TNRC6B: variants seen among roughly 807,000 people sequenced by gnomAD.
TNRC6B encodes trinucleotide repeat-containing gene 6B protein.
Under a neutral mutation model 203.6 loss-of-function variants are expected in TNRC6B, and 52 were observed. That is an observed-to-expected ratio of 0.26 (90% CI 0.20 to 0.32). The LOEUF (loss-of-function observed/expected upper bound fraction) is 0.32, where lower values mean the gene tolerates loss of function less well. TNRC6B is among the 10% of genes least tolerant of loss of function. The pLI is 1.00. For synonymous variants in TNRC6B, 838 were observed against 845.7 expected, an observed-to-expected ratio of 0.99 and a Z score of 0.16; for missense variants, 1,923 against 2,286.2, an observed-to-expected ratio of 0.84 and a Z score of 3.24.
chr22:40,294,900 T>C (rs945685198), intron 12 of TNRC6B, among the ~76,000 whole-genome samples: 7 of 152,220 alleles, frequency 4.6e-5, no homozygotes, highest in African/African-American at 1.7e-4. Flanking sequence ...AGAGGCAGCA[T>C]GCCCTGTAGT....
At chr22:40,113,730 C>T (rs957346920) in intron 1 of TNRC6B, among the ~76,000 whole-genome samples, 1 of 152,068 alleles carries the variant, frequency 6.6e-6, no homozygotes, top group African/African-American at 2.4e-5. Flanking sequence ...GGGCTGGGTG[C>T]CCTGCTCACA....
At chr22:40,196,020 G>A (rs547356586) in intron 1 of TNRC6B, among the ~76,000 whole-genome samples, 3 of 150,640 alleles carry the variant, frequency 2.0e-5, no homozygotes, top group Admixed American at 6.6e-5. Flanking sequence ...CTCGTGATCC[G>A]TCTGCCTCAG....
At chr22:40,183,200 G>A (rs2069158004) in intron 1 of TNRC6B, among the ~76,000 whole-genome samples, 1 of 152,148 alleles carries the variant, frequency 6.6e-6, no homozygotes, top group African/African-American at 2.4e-5. Flanking sequence ...ACGCATAAAG[G>A]AAATGCTATA....
chr22:40,077,470 A>G (rs1381397999), intron 1 of TNRC6B, among the ~76,000 whole-genome samples: 2 of 152,160 alleles, frequency 1.3e-5, no homozygotes, highest in East Asian at 1.9e-4. Context: ...ATCTCATTCA[A>G]TTCCCACTGC....
rs1054533754 is a variant in TNRC6B, at chr22:40,329,026, A to C, written c.*5785A>C. ...TACTTCTTAGTGTTACTGCAAAAAAAAAAAACAAAAACAAAACAAAAAAAA... is the reference window on the plus strand; with the variant it reads ...TACTTCTTAGTGTTACTGCAAAAAACAAAAACAAAAACAAAACAAAAAAAA... On this transcript the variant is annotated 3_prime_UTR_variant, in exon 23 of 23. Coordinates refer to ENST00000454349, the MANE Select transcript of TNRC6B (RefSeq NM_001162501.2). The C allele has an allele frequency of 6.6e-6, 1 of 151,638 alleles. No homozygotes were observed. The highest frequency in any genetic ancestry group is 2.5e-5 in the African/African-American group (1 of 40,608). 9.4% of individuals were successfully genotyped at this position (151,638 alleles called of 1,614,324 possible). A position where few individuals can be genotyped will look rare whatever the true frequency, so the allele number is the denominator to read the frequency against.
chr22:40,150,054 TAAGTCTTGACATGGTA>T (rs1321882724), intron 3 of TNRC6B, among the ~76,000 whole-genome samples: 1 of 152,078 alleles, frequency 6.6e-6, no homozygotes, highest in Non-Finnish European at 1.5e-5. Context: ...GTTTTAAGAA[TAAGTCTTGACATGGTA>T]AACTAAGGCA....
At chr22:40,257,704 G>A (rs750104781) in intron 3 of TNRC6B, among the ~76,000 whole-genome samples, 44 of 149,668 alleles carry the variant, frequency 2.9e-4, no homozygotes, top group Non-Finnish European at 3.8e-4. Flanking sequence ...CAACAAGAGC[G>A]AAACTCCGCC....
intron 2 of TNRC6B, among the ~76,000 whole-genome samples, chr22:40,124,905 T>TGGGAGACTGAGGCAGGAGCATCGC (rs1356033828): frequency 6.6e-6 from 1 of 151,556 alleles, no homozygotes; most frequent in Admixed American, 6.6e-5. Flanking sequence ...CCCAGCTACT[T>TGGGAGACTGAGGCAGGAGCATCGC]GGGAGACTGA....
chr22:40,128,033 C>T (rs953722366), intron 3 of TNRC6B, among the ~76,000 whole-genome samples: 5 of 152,146 alleles, frequency 3.3e-5, no homozygotes, highest in Non-Finnish European at 7.4e-5. Context: ...AAATGACTAG[C>T]TTTCTTGATT....
chr22:40,233,831 TA>T (rs1490793492), intron 1 of TNRC6B, among the ~76,000 whole-genome samples: 4 of 152,206 alleles, frequency 2.6e-5, no homozygotes, highest in African/African-American at 9.6e-5. Flanking sequence ...GCATTCACCC[TA>T]CAGTGGATGC....
intron 1 of TNRC6B, among the ~76,000 whole-genome samples, chr22:40,201,644 A>C (rs1166589722): frequency 6.6e-6 from 1 of 151,852 alleles, no homozygotes; most frequent in Non-Finnish European, 1.5e-5. Flanking sequence ...TGTGTTGCCC[A>C]GGCTGGTGGG....
intron 2 of TNRC6B, chr22:40,125,686 T>C (rs969874436): frequency 1.2e-5 from 10 of 807,532 alleles, no homozygotes; most frequent in South Asian, 9.5e-5. Flanking sequence ...TGTGGCCTTA[T>C]TGAGAGAATT....
chr22:40,212,330 G>A (rs1446060832), intron 1 of TNRC6B, among the ~76,000 whole-genome samples: 4 of 152,198 alleles, frequency 2.6e-5, no homozygotes, highest in African/African-American at 9.6e-5. Context: ...TTTAGCTGAC[G>A]CCTGTTCAGG....
chr22:40,230,925 G>A (rs1205786103), intron 1 of TNRC6B, among the ~76,000 whole-genome samples: 3 of 151,878 alleles, frequency 2.0e-5, no homozygotes, highest in Non-Finnish European at 4.4e-5. Flanking sequence ...ATATTGCCAA[G>A]GTACAAATTG....
intron 1 of TNRC6B, among the ~76,000 whole-genome samples, chr22:40,059,129 CT>C (rs2067826301): frequency 6.6e-6 from 1 of 152,188 alleles, no homozygotes; most frequent in Non-Finnish European, 1.5e-5. Flanking sequence ...TATTTTCTCT[CT>C]TTTTGTCCCC....
chr22:40,074,417 A>G (rs1241794237), intron 1 of TNRC6B, among the ~76,000 whole-genome samples: 2 of 151,812 alleles, frequency 1.3e-5, no homozygotes, highest in Non-Finnish European at 2.9e-5. Flanking sequence ...AGGCTGAGGT[A>G]GGAGGATTGC....
At chr22:40,061,644 TTTTA>T (rs1403156038) in intron 1 of TNRC6B, among the ~76,000 whole-genome samples, 1 of 151,198 alleles carries the variant, frequency 6.6e-6, no homozygotes, top group Non-Finnish European at 1.5e-5. Flanking sequence ...TTTTCCCTAT[TTTTA>T]AATTTCATTT....
At chr22:40,151,857 A>G (rs1355438419) in intron 3 of TNRC6B, among the ~76,000 whole-genome samples, 4 of 122,220 alleles carry the variant, frequency 3.3e-5, no homozygotes, top group African/African-American at 3.8e-5. Flanking sequence ...AAAGAGAAAG[A>G]AAAGAAAGAA....
At chr22:40,134,054 T>A (rs2068577304) in intron 3 of TNRC6B, among the ~76,000 whole-genome samples, 1 of 151,216 alleles carries the variant, frequency 6.6e-6, no homozygotes, top group African/African-American at 2.4e-5. Flanking sequence ...GATATCTTGA[T>A]GTCTGTTACA....
Sources: allele counts gnomAD v4.1 joint callset (sites outside exome capture counted in the v4.1 genomes callset), GRCh38; gene constraint gnomAD v4.1.1; transcripts MANE v1.5; gene names NCBI Gene and HGNC (gene_info 2026-07-23, HGNC 2026-07-21).